CFAP47: variants seen among roughly 807,000 people sequenced by gnomAD.
CFAP47 encodes the protein cilia- and flagella-associated protein 47.
In CFAP47, 29 loss-of-function variants were observed where a neutral mutation model predicts 148.1. The ratio of observed to expected loss-of-function variants is 0.20; its 90% CI spans 0.15 to 0.27. CFAP47 has a LOEUF of 0.27. Ranked by LOEUF, CFAP47 falls within the 10% of genes least tolerant of loss-of-function variation. The pLI is 1.00. For missense variants in CFAP47, 1,872 were observed against 1,697.5 expected (o/e 1.10, Z -1.81); for synonymous variants, 664 against 577.3 (o/e 1.15, Z -2.15).
chrX:36,104,661 C>T lies in CFAP47; in HGVS notation c.5290C>T (p.Arg1764Ter). 1.1e-6 allele frequency: 1 copy of T among 895,897 alleles called. No homozygotes were observed. The highest frequency in any genetic ancestry group is 1.6e-6 in the Non-Finnish European group (1 of 630,857). 73.8% of individuals were successfully genotyped at this position (895,897 alleles called of 1,213,427 possible). ...SWMNINYENT[R>*]HVIWKNCHKD... Reference sequence around the variant, plus strand: ...GATGAACATAAATTATGAGAATACTCGACATGTGATATGGAAAAACTGTCA... The same window carrying T: ...GATGAACATAAATTATGAGAATACTTGACATGTGATATGGAAAAACTGTCA... The change falls in exon 33 of 64, where the codon CGA becomes TGA. Residue 1764 changes from arginine to a stop codon, truncating the protein, a stop_gained. Coordinates refer to ENST00000378653, the MANE Select transcript of CFAP47 (RefSeq NM_001304548.2). LOFTEE classifies it high-confidence loss of function.
chrX:36,180,413 A>T (rs1281275167), intron 40 of CFAP47, among the ~76,000 whole-genome samples: 1 of 111,964 alleles, frequency 8.9e-6, no homozygotes, highest in South Asian at 3.7e-4. Flanking sequence ...GTTGACCATT[A>T]CTACTATGTT....
chrX:35,967,636 C>A lies in CFAP47; in HGVS notation c.1618C>A (p.Arg540Ser). ...TATAAAAGGTATATTGCCTTCGATC[C>A]GTAATCCCACGGGAAAGTTTGTGGT... ...KFDPGILPSI[R>S]NPTGKFVVKD... The change falls in exon 10 of 64, where the codon CGT becomes AGT. Residue 540 changes from arginine (R) to serine (S), a missense_variant. Arg to Ser is a moderately radical substitution (Grantham distance 110). Coordinates refer to ENST00000378653, the MANE Select transcript of CFAP47 (RefSeq NM_001304548.2). 5.0e-6 allele frequency: 6 copies of A among 1,206,186 alleles called. No individual in the cohort carries two copies. The highest frequency in any genetic ancestry group is 5.6e-6 in the Non-Finnish European group (5 of 891,795).
intron 49 of CFAP47, among the ~76,000 whole-genome samples, chrX:36,260,715 C>T (rs1280838656): frequency 4.5e-5 from 5 of 111,890 alleles, no homozygotes; most frequent in Admixed American, 1.9e-4. Context: ...AATTAGGTCC[C>T]GCTTGTCTGT....
At chrX:35,967,932 CAATAATAAT>C (rs112359946) in intron 10 of CFAP47, 100 bp downstream of exon 10, 261 of 285,094 alleles carry the variant, frequency 9.2e-4, no homozygotes, top group African/African-American at 6.4e-3. Flanking sequence ...CTAATGATTA[CAATAATAAT>C]AATAATAATA....
chrX:36,347,954 G>C (rs1420987814), intron 57 of CFAP47, among the ~76,000 whole-genome samples, 175 bp from the exon 58 acceptor site: 1 of 111,535 alleles, frequency 9.0e-6, no homozygotes, highest in African/African-American at 3.3e-5. Context: ...AAGGTTGATG[G>C]CATCTAAGGT....
chrX:36,314,521 G>T (rs140452862), intron 56 of CFAP47, among the ~76,000 whole-genome samples: 695 of 111,607 alleles, frequency 6.2e-3, no homozygotes, highest in African/African-American at 0.022. Flanking sequence ...CCTCTGATTG[G>T]CCAAACCTCA....
At chrX:36,169,857 G>A (rs905537620) in intron 39 of CFAP47, among the ~76,000 whole-genome samples, 1 of 111,695 alleles carries the variant, frequency 9.0e-6, no homozygotes, top group African/African-American at 3.3e-5. Context: ...AAACATCCTG[G>A]TGTGGTAGGT....
chrX:36,133,982 T>C (rs749472301), intron 33 of CFAP47, among the ~76,000 whole-genome samples: 1 of 110,585 alleles, frequency 9.0e-6, no homozygotes, highest in African/African-American at 3.3e-5. Context: ...ATGATCACTA[T>C]ACAATTAAAT....
In CFAP47 at chrX:36,310,856, A is replaced by C; in HGVS notation, c.8211A>C (p.Leu2737Phe). 1 of 1,151,369 alleles carries C rather than the reference A, an allele frequency of 8.7e-7. No individual in the cohort carries two copies. The highest frequency in any genetic ancestry group is 1.2e-6 in the Non-Finnish European group (1 of 862,573). 94.9% of individuals were successfully genotyped at this position (1,151,369 alleles called of 1,213,427 possible). A position where few individuals can be genotyped will look rare whatever the true frequency, so the allele number is the denominator to read the frequency against. ...CTQFTEWKFYLSGVGLFPQPL... is the reference protein window; with the variant it reads ...CTQFTEWKFYFSGVGLFPQPL... ...AGTTTACAGAATGGAAATTCTACTT[A>C]TCTGGAGTAGGACTATTTCCCCAGC... Residue 2737 changes from leucine to phenylalanine, a missense_variant, in exon 56 of 64, where the codon TTA becomes TTC. Leu to Phe is a conservative substitution (Grantham distance 22, BLOSUM62 0). Coordinates refer to ENST00000378653, the MANE Select transcript of CFAP47 (RefSeq NM_001304548.2).
chrX:36,320,364 T>C (rs1462488229), intron 57 of CFAP47, among the ~76,000 whole-genome samples: 1 of 112,044 alleles, frequency 8.9e-6, no homozygotes, highest in African/African-American at 3.2e-5. Context: ...TCAGTAAGAA[T>C]GGGTTAATTA....
At chrX:36,325,305 T>G (rs1019903190) in intron 57 of CFAP47, among the ~76,000 whole-genome samples, 4 of 111,507 alleles carry the variant, frequency 3.6e-5, no homozygotes, top group African/African-American at 1.3e-4. Flanking sequence ...ATTCCTATGT[T>G]AGAGATGAGT....
chrX:36,187,415 C>A (rs1207434620), intron 40 of CFAP47, among the ~76,000 whole-genome samples: 1 of 111,870 alleles, frequency 8.9e-6, no homozygotes, highest in Non-Finnish European at 1.9e-5. Context: ...CTAGAGATTA[C>A]AAGGATTGAA....
intron 26 of CFAP47, among the ~76,000 whole-genome samples, chrX:36,057,721 T>C (rs1467745528): frequency 9.0e-6 from 1 of 111,551 alleles, no homozygotes; most frequent in Non-Finnish European, 1.9e-5. Context: ...CCCTCTGTTA[T>C]TCTCTTGGCA....
intron 22 of CFAP47, among the ~76,000 whole-genome samples, chrX:36,016,701 CTTTTTTTTTTTT>C (rs1281064323): frequency 1.8e-5 from 1 of 54,457 alleles, no homozygotes; most frequent in Admixed American, 2.4e-4. Context: ...TTATGCCAGT[CTTTTTTTTTTTT>C]TTTTTTTTTT....
intron 52 of CFAP47, among the ~76,000 whole-genome samples, chrX:36,300,606 A>G (rs1428985503): frequency 8.9e-6 from 1 of 111,938 alleles, no homozygotes; most frequent in Non-Finnish European, 1.9e-5. Flanking sequence ...ATACTTGTTT[A>G]GACTGTCACA....
intron 29 of CFAP47, among the ~76,000 whole-genome samples, chrX:36,075,201 T>TTTA (rs1937826380): frequency 2.0e-4 from 21 of 106,615 alleles, no homozygotes; most frequent in African/African-American, 5.9e-4. Context: ...TATGTATTAT[T>TTTA]TTTATTTATT....
At chrX:36,066,868 A>G (rs768284153) in intron 27 of CFAP47, among the ~76,000 whole-genome samples, 1 of 111,860 alleles carries the variant, frequency 8.9e-6, no homozygotes, top group African/African-American at 3.3e-5. Context: ...CTTCCCAGGG[A>G]GAAGGAGAAA....
At chrX:35,988,955 C>T (rs752315790) in intron 15 of CFAP47, among the ~76,000 whole-genome samples, 1 of 112,043 alleles carries the variant, frequency 8.9e-6, no homozygotes, top group Non-Finnish European at 1.9e-5. Flanking sequence ...GTGGTGTGGG[C>T]AATTTGGTTA....
chrX:36,021,038 C>T (rs940923208), intron 22 of CFAP47, among the ~76,000 whole-genome samples: 1 of 110,651 alleles, frequency 9.0e-6, no homozygotes, highest in Non-Finnish European at 1.9e-5. Context: ...ATCTGATAAC[C>T]TTTCCTTTTA....
Sources: gnomAD v4.1 joint callset for allele counts (sites outside exome capture counted in the v4.1 genomes callset) on GRCh38, gnomAD v4.1.1 for gene constraint, MANE v1.5 for transcripts, NCBI Gene and HGNC (gene_info 2026-07-23, HGNC 2026-07-21) for gene names.